Variants in EFNB3 observed in about 807,000 individuals in gnomAD.
EFNB3 encodes the protein ephrin B3.
A neutral mutation model predicts 29.8 loss-of-function variants in EFNB3; 14 were observed. That is an observed-to-expected ratio of 0.47 (90% CI 0.31 to 0.73). EFNB3 has a LOEUF of 0.73. Ranked by LOEUF, EFNB3 falls within the 30% of genes least tolerant of loss-of-function variation. The pLI is 0.05. For synonymous variants in EFNB3, 216 were observed against 191.6 expected (o/e 1.13, Z -1.05); for missense variants, 408 against 458.0 (o/e 0.89, Z 1.00).
At position 7,708,859 on chromosome 17, in the gene EFNB3, G is replaced by A. The variant is rs532811042; in HGVS notation, c.613+120G>A. On this transcript the variant is annotated intron_variant, in intron 4 of 4. Coordinates refer to ENST00000226091, the MANE Select transcript of EFNB3 (RefSeq NM_001406.4). The surrounding 1 kb of genome is among the most constrained non-coding windows in gnomAD (Gnocchi z 6.8). ...GGGGGCGGTGATACAGGAAAGAGGA[G>A]AAGAGAGGATGGGAGGGTGGGAGGG... The A allele has an allele frequency of 1.5e-6, 1 of 684,702 alleles. No homozygotes were observed. Among genetic ancestry groups the A allele is most frequent in the East Asian group, 3.3e-5 (1 of 30,270 alleles). 42.4% of individuals were successfully genotyped at this position (684,702 alleles called of 1,614,324 possible).
rs1228412044 is a variant in EFNB3, at chr17:7,709,845, C to T, written c.*269C>T. The T allele has an allele frequency of 1.8e-6, 1 of 557,048 alleles. No individual in the cohort carries two copies. The highest frequency in any genetic ancestry group is 3.2e-6 in the Non-Finnish European group (1 of 314,496). 34.5% of individuals were successfully genotyped at this position (557,048 alleles called of 1,614,324 possible). On this transcript the variant is annotated 3_prime_UTR_variant, in exon 5 of 5. Coordinates refer to ENST00000226091, the MANE Select transcript of EFNB3 (RefSeq NM_001406.4). The surrounding 1 kb of genome is among the most constrained non-coding windows in gnomAD (Gnocchi z 4.5). ...CCTTGGGGAGGGGCACAGGCTCAGC[C>T]TCCTCTCTGACCATGACCCAGGCAT...
Position 7,709,466 on chromosome 17 carries a change from C to T in EFNB3, c.913C>T (p.Pro305Ser), listed in dbSNP as rs773356284. Residue 305 changes from proline (P) to serine (S), a missense_variant, in exon 5 of 5, where the codon CCC becomes TCC. This residue lies in a region of EFNB3 where 233 missense variants were observed against 230.7 expected (regional missense o/e 1.01). Coordinates refer to ENST00000226091, the MANE Select transcript of EFNB3 (RefSeq NM_001406.4). The surrounding 1 kb of genome is among the most constrained non-coding windows in gnomAD (Gnocchi z 4.5). ...IALRGGGAAD[P>S]PFCPHYEKVS... ...TCTGCGGGGTGGCGGGGCTGCAGAT[C>T]CCCCCTTCTGCCCCCACTATGAGAA... 3 of 1,613,356 alleles carry T rather than the reference C, an allele frequency of 1.9e-6. No individual in the cohort carries two copies. The highest frequency in any genetic ancestry group is 1.7e-6 in the Non-Finnish European group (2 of 1,179,658).
rs2074337383 is a variant in EFNB3 at position 7,708,779 on chromosome 17, C to T, written c.613+40C>T. On this transcript the variant is annotated intron_variant, in intron 4 of 4. Coordinates refer to ENST00000226091, the MANE Select transcript of EFNB3 (RefSeq NM_001406.4). The surrounding 1 kb of genome is among the most constrained non-coding windows in gnomAD (Gnocchi z 6.8). Reference sequence around the variant, plus strand: ...CTAGGCCCCTGCCTTCCCCAGCTTCCTCTGCTCTCAGACCCCAGCTGCCCT... The same window carrying T: ...CTAGGCCCCTGCCTTCCCCAGCTTCTTCTGCTCTCAGACCCCAGCTGCCCT... 6.7e-7 allele frequency: 1 copy of T among 1,495,582 alleles called. No homozygotes were observed. Among genetic ancestry groups the T allele is most frequent in the African/African-American group, 1.4e-5 (1 of 70,802 alleles). The allele number at this position is 1,495,582 out of a possible 1,614,324, so 92.6% of individuals were successfully genotyped here. A position where few individuals can be genotyped will look rare whatever the true frequency, so the allele number is the denominator to read the frequency against.
chr17:7,708,352 G>A lies in EFNB3; in HGVS notation c.416-83G>A. 2 of 1,584,226 alleles carry A rather than the reference G, an allele frequency of 1.3e-6. No individual in the cohort carries two copies. Among genetic ancestry groups the A allele is most frequent in the African/African-American group, 1.3e-5 (1 of 74,578 alleles). ...AAGAGGGAGATCCCAGTGCCCTCAG[G>A]CAGTGTTCACACCAGGGTGTGGGGC... On this transcript the variant is annotated intron_variant, in intron 2 of 4. Transcript: ENST00000226091. The surrounding 1 kb of genome is among the most constrained non-coding windows in gnomAD (Gnocchi z 6.8).
At position 7,710,640 on chromosome 17, in the gene EFNB3, T is replaced by C. The variant is rs2074346672; in HGVS notation, c.*1064T>C. ...AGAAGAAGGGCGGGAAGAACTTCCT[T>C]TCAGGAGGAAGCTGGAACTTACTGA... On this transcript the variant is annotated 3_prime_UTR_variant, in exon 5 of 5. Coordinates refer to ENST00000226091, the MANE Select transcript of EFNB3 (RefSeq NM_001406.4). 6.6e-6 allele frequency: 1 copy of C among 152,646 alleles called. No individual in the cohort carries two copies. The highest frequency in any genetic ancestry group is 2.4e-5 in the African/African-American group (1 of 41,424). The allele number at this position is 152,646 out of a possible 1,614,324, so 9.5% of individuals were successfully genotyped here. A position where few individuals can be genotyped will look rare whatever the true frequency, so the allele number is the denominator to read the frequency against.
chr17:7,709,095 T>G lies in EFNB3; in HGVS notation c.614-72T>G. 1 of 1,448,546 alleles carries G rather than the reference T, an allele frequency of 6.9e-7. No homozygotes were observed. The highest frequency in any genetic ancestry group is 9.4e-7 in the Non-Finnish European group (1 of 1,061,536). The allele number at this position is 1,448,546 out of a possible 1,614,324, so 89.7% of individuals were successfully genotyped here. A position where few individuals can be genotyped will look rare whatever the true frequency, so the allele number is the denominator to read the frequency against. On this transcript the variant is annotated intron_variant, in intron 4 of 4. Transcript: ENST00000226091. This position sits in a 1 kb window ranked among gnomAD's most constrained non-coding sequence, Gnocchi z 4.5. ...GGGAAGCCCATGGGGACCCCCAGGG[T>G]TGGGTGTCCAGGTGCCCAGGTGGCT...
In EFNB3 at chr17:7,708,107, G is replaced by T. The variant is rs368210549; in HGVS notation, c.272G>T (p.Arg91Leu). The change falls in exon 2 of 5, where the codon CGC becomes CTC. Residue 91 changes from arginine (R) to leucine (L), a missense_variant. Around this residue, in one of 3 missense-constraint regions of EFNB3, gnomAD observed 128 missense variants for 140.8 expected, o/e 0.91. Transcript: ENST00000226091. This position sits in a 1 kb window ranked among gnomAD's most constrained non-coding sequence, Gnocchi z 6.8. Reference sequence around the variant, plus strand: ...CTGGTAGGGGGTGCTCAGGGCCGGCGCTGTGAGGCACCCCCTGCCCCAAAC... The same window carrying T: ...CTGGTAGGGGGTGCTCAGGGCCGGCTCTGTGAGGCACCCCCTGCCCCAAAC... ...LYLVGGAQGR[R>L]CEAPPAPNLL... 2.2e-5 allele frequency: 35 copies of T among 1,614,104 alleles called. No homozygotes were observed. The Middle Eastern group carries it at 4.9e-4, about 23-fold the overall frequency.
intron 1 of EFNB3, among the ~76,000 whole-genome samples, chr17:7,707,696 G>T (rs1322963866): frequency 6.6e-6 from 1 of 152,170 alleles, no homozygotes; most frequent in Non-Finnish European, 1.5e-5. Flanking sequence ...TGTGCATGTG[G>T]TGAGGGCGGG....
intron 1 of EFNB3, among the ~76,000 whole-genome samples, chr17:7,707,568 T>C (rs1294401427): frequency 6.6e-6 from 1 of 152,042 alleles, no homozygotes; most frequent in East Asian, 1.9e-4. Flanking sequence ...TTGGCTGCCA[T>C]GGAATAGTGA....
In EFNB3 at chr17:7,709,668, GGCCCCCTGT is replaced by G; in HGVS notation, c.*99_*107del. 1 of 1,404,508 alleles carries G rather than the reference GGCCCCCTGT, an allele frequency of 7.1e-7. No homozygotes were observed. Among genetic ancestry groups the G allele is most frequent in the Non-Finnish European group, 9.9e-7 (1 of 1,012,124 alleles). The allele number at this position is 1,404,508 out of a possible 1,614,324, so 87.0% of individuals were successfully genotyped here. ...GTTTGAGGGACACCTCTAACATCTC[GGCCCCCTGT>G]GCCCCCCCAGCCCCTTCACTCCTCC... On this transcript the variant is annotated 3_prime_UTR_variant, in exon 5 of 5. Coordinates refer to ENST00000226091, the MANE Select transcript of EFNB3 (RefSeq NM_001406.4). This position sits in a 1 kb window ranked among gnomAD's most constrained non-coding sequence, Gnocchi z 4.5.
rs2151100044 is a variant in EFNB3, at chr17:7,710,193, T to C, written c.*617T>C. 2 of 167,664 alleles carry C rather than the reference T, an allele frequency of 1.2e-5. No individual in the cohort carries two copies. Among genetic ancestry groups the C allele is most frequent in the East Asian group, 1.9e-4 (1 of 5,242 alleles). 10.4% of individuals were successfully genotyped at this position (167,664 alleles called of 1,614,324 possible). On this transcript the variant is annotated 3_prime_UTR_variant, in exon 5 of 5. Coordinates refer to ENST00000226091, the MANE Select transcript of EFNB3 (RefSeq NM_001406.4). ...AAAATGGGGGCCTTATGGGGAAGGC[T>C]CTGACACTCCACCCCAGCTCAGGCC...
In EFNB3 at chr17:7,709,131, CT is replaced by C; in HGVS notation, c.614-35del. On this transcript the variant is annotated intron_variant, in intron 4 of 4. Transcript: ENST00000226091. This position sits in a 1 kb window ranked among gnomAD's most constrained non-coding sequence, Gnocchi z 4.5. ...GGTGCCCAGGTGGCTCCTTCAGTCC[CT>C]CCCCCTCTTTCCTCCTTCACCCCTT... is the stretch of plus-strand genomic sequence containing the variant. 1 of 1,586,288 alleles carries C rather than the reference CT, an allele frequency of 6.3e-7. No individual in the cohort carries two copies.
intron 1 of EFNB3, among the ~76,000 whole-genome samples, chr17:7,707,636 G>A (rs891888500): frequency 6.6e-6 from 1 of 152,182 alleles, no homozygotes; most frequent in African/African-American, 2.4e-5. Context: ...TTGGTAACTG[G>A]CATCCTGTTG....
rs1171169482 is a variant in EFNB3, at chr17:7,709,678, GC to G, written c.*109del. The stretch of plus-strand genomic sequence containing the variant: ...CACCTCTAACATCTCGGCCCCCTGT[GC>G]CCCCCCAGCCCCTTCACTCCTCCCG... On this transcript the variant is annotated 3_prime_UTR_variant, in exon 5 of 5. Transcript: ENST00000226091. This position sits in a 1 kb window ranked among gnomAD's most constrained non-coding sequence, Gnocchi z 4.5. The G allele has an allele frequency of 2.3e-5, 28 of 1,194,868 alleles. No homozygotes were observed. The highest frequency in any genetic ancestry group is 4.0e-5 in the Admixed American group (2 of 49,384). 74.0% of individuals were successfully genotyped at this position (1,194,868 alleles called of 1,614,324 possible).
Position 7,708,279 on chromosome 17 carries a change from T to TG in EFNB3, c.415+35dup, listed in dbSNP as rs1181470151. On this transcript the variant is annotated intron_variant, in intron 2 of 4. Transcript: ENST00000226091. This position sits in a 1 kb window ranked among gnomAD's most constrained non-coding sequence, Gnocchi z 6.8. ...CTGCTGGGCAGAGGGCACGATTGAG[T>TG]GGGGGGCTCCTGATACTGAGCAGAG... The TG allele has an allele frequency of 1.2e-6, 2 of 1,602,808 alleles. No individual in the cohort carries two copies. Among genetic ancestry groups the TG allele is most frequent in the South Asian group, 1.1e-5 (1 of 90,198 alleles).
intron 1 of EFNB3, among the ~76,000 whole-genome samples, chr17:7,706,890 T>C (rs1357526649): frequency 6.6e-6 from 1 of 152,224 alleles, no homozygotes; most frequent in African/African-American, 2.4e-5. Context: ...TCCCTCTCTT[T>C]TCCCTGGATC....
rs1242853095 is a variant in EFNB3 at position 7,709,863 on chromosome 17, C to T, written c.*287C>T. 2 of 523,336 alleles carry T rather than the reference C, an allele frequency of 3.8e-6. No homozygotes were observed. The highest frequency in any genetic ancestry group is 3.9e-5 in the African/African-American group (2 of 50,966). The allele number at this position is 523,336 out of a possible 1,614,324, so 32.4% of individuals were successfully genotyped here. On this transcript the variant is annotated 3_prime_UTR_variant, in exon 5 of 5. Transcript: ENST00000226091. The surrounding 1 kb of genome is among the most constrained non-coding windows in gnomAD (Gnocchi z 4.5). ...GCTCAGCCTCCTCTCTGACCATGAC[C>T]CAGGCATCCTTGTCCCCCTCACCCA... is the stretch of plus-strand genomic sequence containing the variant.
At chr17:7,707,010 C>T (rs2074329686) in intron 1 of EFNB3, among the ~76,000 whole-genome samples, 1 of 152,142 alleles carries the variant, frequency 6.6e-6, no homozygotes, top group African/African-American at 2.4e-5. Flanking sequence ...CTTGTTTTCA[C>T]AGGGTAGAGA....
In EFNB3 at chr17:7,705,385, G is replaced by C. The variant is rs918012936; in HGVS notation, c.-214G>C. 7 of 394,868 alleles carry C rather than the reference G, an allele frequency of 1.8e-5. No homozygotes were observed. The highest frequency in any genetic ancestry group is 1.5e-4 in the African/African-American group (7 of 47,256). 24.5% of individuals were successfully genotyped at this position (394,868 alleles called of 1,614,324 possible). A position where few individuals can be genotyped will look rare whatever the true frequency, so the allele number is the denominator to read the frequency against. ...CTGGCGCGTGGGCCGGGGGCGCGTA[G>C]GGCGCCTGCAGACGGCCCCTGGAAG... On this transcript the variant is annotated 5_prime_UTR_variant, in exon 1 of 5. Coordinates refer to ENST00000226091, the MANE Select transcript of EFNB3 (RefSeq NM_001406.4). The surrounding 1 kb of genome is among the most constrained non-coding windows in gnomAD (Gnocchi z 5.4).
Sources: gnomAD v4.1 joint callset for allele counts (sites outside exome capture counted in the v4.1 genomes callset) on GRCh38, gnomAD v4.1.1 for gene constraint, gnomAD v4.1.1 regional missense constraint, Gnocchi (gnomAD v3.1) non-coding constraint, MANE v1.5 for transcripts, NCBI Gene and HGNC (gene_info 2026-07-23, HGNC 2026-07-21) for gene names.